CDC7: variants seen among roughly 807,000 people sequenced by gnomAD.
CDC7 encodes the protein cell division cycle 7-related protein kinase.
Under a neutral mutation model 53.5 loss-of-function variants are expected in CDC7, and 34 were observed. The ratio of observed to expected loss-of-function variants is 0.64; its 90% CI spans 0.48 to 0.85. CDC7 has a LOEUF of 0.85. Among genes scored for constraint, CDC7 ranks in the 40% least tolerant of loss-of-function variants. The pLI is 0.00. For synonymous variants in CDC7, 211 were observed against 222.8 expected (o/e 0.95, Z 0.47); for missense variants, 594 against 679.7 (o/e 0.87, Z 1.40).
chr1:91,504,876 C>G (rs534612048), intron 2 of CDC7, among the ~76,000 whole-genome samples: 263 of 152,102 alleles, frequency 1.7e-3, no homozygotes, highest in Non-Finnish European at 3.3e-3. Flanking sequence ...TATACATGTA[C>G]TTTTTTAGGT....
At position 91,518,093 on chromosome 1, in the gene CDC7, C is replaced by CAAAAAAAAAAA. The variant is rs55787737; in HGVS notation, c.1181-2024_1181-2014dup. Reference sequence around the variant, plus strand: ...TGAGCAACAGAGTGAGACTCAGTCTCAAAAAAAAAAAAAAAAAAAAAAAGG... The same window carrying CAAAAAAAAAAA: ...TGAGCAACAGAGTGAGACTCAGTCTCAAAAAAAAAAAAAAAAAAAAAAAAAAAAAAAAAAGG... On this transcript the variant is annotated intron_variant, in intron 10 of 11. Coordinates refer to ENST00000234626, the MANE Select transcript of CDC7 (RefSeq NM_003503.4). Among the ~76,000 whole-genome samples, 37 of 46,022 alleles carry CAAAAAAAAAAA rather than the reference C, an allele frequency of 8.0e-4. 2 individuals carry two copies. The highest frequency in any genetic ancestry group is 5.9e-3 in the East Asian group (7 of 1,186). 30.2% of individuals were successfully genotyped at this position (46,022 alleles called of 152,430 possible). A position where few individuals can be genotyped will look rare whatever the true frequency, so the allele number is the denominator to read the frequency against.
At chr1:91,516,999 A>C (rs534754704) in intron 10 of CDC7, among the ~76,000 whole-genome samples, 1 of 152,272 alleles carries the variant, frequency 6.6e-6, no homozygotes, top group African/African-American at 2.4e-5. Flanking sequence ...CAGGAGGCGG[A>C]AGTTGCAGTG....
At chr1:91,518,675 T>C (rs933235028) in intron 10 of CDC7, among the ~76,000 whole-genome samples, 26 of 152,118 alleles carry the variant, frequency 1.7e-4, no homozygotes, top group African/African-American at 3.6e-4. Context: ...ATTTGTGGGA[T>C]CTAAAAATTA....
intron 1 of CDC7, 118 bp from the exon 2 acceptor site, chr1:91,501,536 T>C: frequency 1.6e-6 from 1 of 614,392 alleles, no homozygotes; most frequent in South Asian, 2.0e-5. Context: ...TGCCCTACTG[T>C]GGAGGTTTGG....
At chr1:91,507,137 G>A (rs981272501) in intron 2 of CDC7, among the ~76,000 whole-genome samples, 7 of 152,096 alleles carry the variant, frequency 4.6e-5, no homozygotes, top group African/African-American at 1.7e-4. Context: ...CTTTGAAAAT[G>A]TCTTAAACTT....
intron 4 of CDC7, among the ~76,000 whole-genome samples, chr1:91,511,163 C>G (rs942220488): frequency 1.3e-5 from 2 of 152,176 alleles, no homozygotes; most frequent in Middle Eastern, 3.4e-3. Flanking sequence ...CACCTTTGTC[C>G]TATTTTCCTC....
In CDC7 at chr1:91,524,668, G is replaced by T; in HGVS notation, c.*233G>T. On this transcript the variant is annotated 3_prime_UTR_variant, in exon 12 of 12. Transcript: ENST00000234626. ...GTTAAACCTACCTAAGTAGATTTTA[G>T]GTGGGTTCCTATTAGGTCAGATTTT... is the stretch of plus-strand genomic sequence containing the variant. 1 of 429,436 alleles carries T rather than the reference G, an allele frequency of 2.3e-6. No homozygotes were observed. The highest frequency in any genetic ancestry group is 5.2e-5 in the South Asian group (1 of 19,290). The allele number at this position is 429,436 out of a possible 1,614,324, so 26.6% of individuals were successfully genotyped here.
At chr1:91,523,892 T>TA in intron 11 of CDC7, 149 bp from the exon 12 acceptor site, 1 of 476,798 alleles carries the variant, frequency 2.1e-6, no homozygotes, top group Non-Finnish European at 3.5e-6. Context: ...CTCTATCTCA[T>TA]ACTGTGTGTG....
Position 91,515,834 on chromosome 1 carries a change from A to G in CDC7, c.1138A>G (p.Arg380Gly). 6.2e-7 allele frequency: 1 copy of G among 1,613,856 alleles called. No individual in the cohort carries two copies. The highest frequency in any genetic ancestry group is 8.5e-7 in the Non-Finnish European group (1 of 1,179,844). Residue 380 changes from arginine (R) to glycine (G), a missense_variant, in exon 10 of 12, where the codon AGA becomes GGA. Arg to Gly is a moderately radical substitution (Grantham distance 125). Coordinates refer to ENST00000234626, the MANE Select transcript of CDC7 (RefSeq NM_003503.4). Reference protein sequence around the residue: ...VAPRAGTPGFRAPEVLTKCPN... With the variant: ...VAPRAGTPGFGAPEVLTKCPN... Reference sequence around the variant, plus strand: ...CCCTAGGGCAGGTACACCAGGATTCAGAGCACCAGAGGTCTTGACAAAGTG... The same window carrying G: ...CCCTAGGGCAGGTACACCAGGATTCGGAGCACCAGAGGTCTTGACAAAGTG...
chr1:91,511,553 C>G lies in CDC7; in HGVS notation c.336-44C>G, dbSNP rs753349287. ...AAAATTAGGCATAAAGTTTCAGTCC[C>G]TCTGACCTTTCTTCTAAAAGTTCCT... On this transcript the variant is annotated intron_variant, in intron 4 of 11. Coordinates refer to ENST00000234626, the MANE Select transcript of CDC7 (RefSeq NM_003503.4). 4.6e-6 allele frequency: 6 copies of G among 1,298,254 alleles called. No homozygotes were observed. In the East Asian group the frequency reaches 1.4e-4, roughly 30 times the overall value. The allele number at this position is 1,298,254 out of a possible 1,614,324, so 80.4% of individuals were successfully genotyped here.
At position 91,514,962 on chromosome 1, in the gene CDC7, T is replaced by C; in HGVS notation, c.1062T>C (p.Tyr354=). Residue 354 remains tyrosine (Y), a synonymous_variant, in exon 9 of 12, where the codon TAT becomes TAC. Transcript: ENST00000234626. ...SCPASLTCDC[Y]ATDKVCSICL... ...CAGCTAGCCTGACCTGTGACTGCTA[T>C]GCAACAGATAAAGTTTGTAGTATTT... is the stretch of plus-strand genomic sequence containing the variant. The C allele has an allele frequency of 6.2e-7, 1 of 1,613,716 alleles. No homozygotes were observed. The highest frequency in any genetic ancestry group is 8.5e-7 in the Non-Finnish European group (1 of 1,179,822).
At chr1:91,523,570 A>G (rs1668097447) in intron 11 of CDC7, among the ~76,000 whole-genome samples, 1 of 152,206 alleles carries the variant, frequency 6.6e-6, no homozygotes, top group Admixed American at 6.5e-5. Context: ...GAGGGTGTCA[A>G]GCCTCAGAGG....
Position 91,511,154 on chromosome 1 carries a change from A to C in CDC7, c.336-443A>C, listed in dbSNP as rs557856743. Among the ~76,000 whole-genome samples the C allele has an allele frequency of 9.9e-5, 15 of 152,228 alleles. No individual in the cohort carries two copies. In the South Asian group the frequency reaches 3.1e-3, roughly 32 times the overall value. On this transcript the variant is annotated intron_variant, in intron 4 of 11. Coordinates refer to ENST00000234626, the MANE Select transcript of CDC7 (RefSeq NM_003503.4). Reference sequence around the variant, plus strand: ...ACTCAGGCTCAAAATCATAGAAATCACCTTTGTCCTATTTTCCTCTTTTAT... The same window carrying C: ...ACTCAGGCTCAAAATCATAGAAATCCCCTTTGTCCTATTTTCCTCTTTTAT...
At chr1:91,503,038 A>G (rs1666785276) in intron 2 of CDC7, among the ~76,000 whole-genome samples, 1 of 151,956 alleles carries the variant, frequency 6.6e-6, no homozygotes, top group African/African-American at 2.4e-5. Flanking sequence ...TTTTGTCTCC[A>G]CTGTAAACCC....
chr1:91,524,258 G>A lies in CDC7; in HGVS notation c.1548G>A (p.Gly516=). Reference sequence around the variant, plus strand: ...ACTCAGGGAATTCATTTAAAAAGGGGGATAGTAATAGCTGTGAGCATTGTT... The same window carrying A: ...ACTCAGGGAATTCATTTAAAAAGGGAGATAGTAATAGCTGTGAGCATTGTT... ...GQYSGNSFKK[G]DSNSCEHCFD... Residue 516 remains glycine, a synonymous_variant, in exon 12 of 12, where the codon GGG becomes GGA. Transcript: ENST00000234626. 1 of 1,613,928 alleles carries A rather than the reference G, an allele frequency of 6.2e-7. No homozygotes were observed. Among genetic ancestry groups the A allele is most frequent in the Non-Finnish European group, 8.5e-7 (1 of 1,179,900 alleles).
intron 10 of CDC7, among the ~76,000 whole-genome samples, chr1:91,519,239 C>G (rs915129088): frequency 7.5e-6 from 1 of 133,414 alleles, no homozygotes; most frequent in Non-Finnish European, 1.6e-5. Flanking sequence ...GGCAAAACCT[C>G]GTCTCTACTA....
chr1:91,524,618 G>A lies in CDC7; in HGVS notation c.*183G>A. On this transcript the variant is annotated 3_prime_UTR_variant, in exon 12 of 12. Transcript: ENST00000234626. ...CTTAAAATGCCTGGGATAGTTCTTG[G>A]GACTAACAACATGATCTTCTTTGAG... The A allele has an allele frequency of 1.9e-6, 1 of 540,344 alleles. No homozygotes were observed. The allele number at this position is 540,344 out of a possible 1,614,324, so 33.5% of individuals were successfully genotyped here. A position where few individuals can be genotyped will look rare whatever the true frequency, so the allele number is the denominator to read the frequency against.
chr1:91,511,288 G>T (rs1328183592), intron 4 of CDC7, among the ~76,000 whole-genome samples: 2 of 152,140 alleles, frequency 1.3e-5, no homozygotes, highest in African/African-American at 4.8e-5. Context: ...ATTTATTACT[G>T]TTACCATCTT....
intron 4 of CDC7, among the ~76,000 whole-genome samples, chr1:91,510,171 C>G (rs1250484250): frequency 1.3e-5 from 2 of 151,756 alleles, no homozygotes; most frequent in Non-Finnish European, 2.9e-5. Context: ...CCTGCGATCA[C>G]TCCATTGCAC....
Sources: gnomAD v4.1 joint callset for allele counts (sites outside exome capture counted in the v4.1 genomes callset) on GRCh38, gnomAD v4.1.1 for gene constraint, MANE v1.5 for transcripts, NCBI Gene and HGNC (gene_info 2026-07-23, HGNC 2026-07-21) for gene names.